The following HTRA3 variants were observed in gnomAD, a reference collection of about 807,000 sequenced individuals.
HTRA3 encodes serine protease HTRA3.
A neutral mutation model predicts 43.2 loss-of-function variants in HTRA3; 41 were observed. The ratio of observed to expected loss-of-function variants is 0.95; its 90% confidence interval spans 0.74 to 1.23. HTRA3 has a LOEUF of 1.23. Among genes scored for constraint, HTRA3 ranks in the 50% most tolerant of loss-of-function variants. The pLI is 0.00. For missense variants in HTRA3, 628 were observed against 647.1 expected, an observed-to-expected ratio of 0.97 and a Z score of 0.32; for synonymous variants, 295 against 287.9, an observed-to-expected ratio of 1.02 and a Z score of -0.25.
chr4:8,302,213 C>T (rs1713678701), intron 6 of HTRA3, among the ~76,000 whole-genome samples: 1 of 152,122 alleles, frequency 6.6e-6, no homozygotes, highest in African/African-American at 2.4e-5. Flanking sequence ...TGGTTGGATG[C>T]AGGATGCGGT....
chr4:8,269,919 C>T lies in HTRA3; in HGVS notation c.-50C>T, dbSNP rs934001131. 14 of 917,206 alleles carry T rather than the reference C, an allele frequency of 1.5e-5. No homozygotes were observed. The Admixed American group carries it at 6.4e-4, about 42-fold the overall frequency. 56.8% of individuals were successfully genotyped at this position (917,206 alleles called of 1,614,324 possible). A position where few individuals can be genotyped will look rare whatever the true frequency, so the allele number is the denominator to read the frequency against. On this transcript the variant is annotated 5_prime_UTR_variant, in exon 1 of 9. Transcript: ENST00000307358. Reference sequence around the variant, plus strand: ...CCCGCAGCGGCCTCGTTGTCCCCGCCGGCCCCCGCCCGGTCTCCCGCGCTG... The same window carrying T: ...CCCGCAGCGGCCTCGTTGTCCCCGCTGGCCCCCGCCCGGTCTCCCGCGCTG...
At chr4:8,293,200 T>C (rs1713312105) in intron 5 of HTRA3, among the ~76,000 whole-genome samples, 1 of 152,182 alleles carries the variant, frequency 6.6e-6, no homozygotes, top group Non-Finnish European at 1.5e-5. Flanking sequence ...TCTCCCAGGC[T>C]TTTGGCAGGG....
intron 1 of HTRA3, among the ~76,000 whole-genome samples, chr4:8,273,533 C>G (rs1411264197): frequency 6.6e-6 from 1 of 150,662 alleles, no homozygotes; most frequent in Non-Finnish European, 1.5e-5. Context: ...CCCCCCCGCA[C>G]CCCCGCCCCA....
intron 5 of HTRA3, 79 bp downstream of exon 5, chr4:8,292,432 C>T: frequency 1.7e-6 from 2 of 1,179,168 alleles, no homozygotes; most frequent in Non-Finnish European, 2.5e-6. Flanking sequence ...TGAGGTGGGA[C>T]AGGGCCCACA....
intron 6 of HTRA3, among the ~76,000 whole-genome samples, chr4:8,300,988 A>T (rs1304370108): frequency 6.7e-6 from 1 of 149,050 alleles, no homozygotes; most frequent in East Asian, 2.0e-4. Context: ...CATCTTTATT[A>T]TTGATTCACA....
In HTRA3 at chr4:8,279,136, G is replaced by A. The variant is rs534064627; in HGVS notation, c.386-3301G>A. ...CCTGGGGTGTGGGGTGGGCACGTGC[G>A]GGCTTCTCTTTGGAGACTCTGTGGG... On this transcript the variant is annotated intron_variant, in intron 1 of 8. Transcript: ENST00000307358. This position sits in a 1 kb window ranked among gnomAD's most constrained non-coding sequence, Gnocchi z 7.4. Among the ~76,000 whole-genome samples, 11 of 152,182 alleles carry A rather than the reference G, an allele frequency of 7.2e-5. No individual in the cohort carries two copies. The South Asian group carries it at 1.9e-3, about 26-fold the overall frequency.
At chr4:8,277,279 G>T (rs1712565970) in intron 1 of HTRA3, among the ~76,000 whole-genome samples, 1 of 152,226 alleles carries the variant, frequency 6.6e-6, no homozygotes, top group South Asian at 2.1e-4. Flanking sequence ...GAACTAGTTA[G>T]ACCCAGGAGG....
intron 6 of HTRA3, among the ~76,000 whole-genome samples, chr4:8,300,224 T>C (rs1713588213): frequency 6.6e-6 from 1 of 152,250 alleles, no homozygotes; most frequent in South Asian, 2.1e-4. Flanking sequence ...TGGTCTAGTT[T>C]TCTCTTCTGG....
rs1712875301 is a variant in HTRA3, at chr4:8,284,304, C to T, written c.485+1768C>T. On this transcript the variant is annotated intron_variant, in intron 2 of 8. Coordinates refer to ENST00000307358, the MANE Select transcript of HTRA3 (RefSeq NM_053044.5). ...ACTGGATGCACTAAGTGGCACGTTG[C>T]TGGCCTTCCAGGAGGTAGGGATGGG... 2.6e-5 allele frequency among the ~76,000 whole-genome samples: 4 copies of T among 152,334 alleles called. No individual in the cohort carries two copies. The South Asian group carries it at 8.3e-4, about 32-fold the overall frequency.
At chr4:8,301,463 TTTA>T (rs750951246) in intron 6 of HTRA3, among the ~76,000 whole-genome samples, 8 of 151,802 alleles carry the variant, frequency 5.3e-5, no homozygotes, top group Non-Finnish European at 7.4e-5. Context: ...CACTCTCAGC[TTTA>T]TTATTGAGTC....
intron 6 of HTRA3, among the ~76,000 whole-genome samples, chr4:8,300,152 T>A (rs1713585626): frequency 6.6e-6 from 1 of 152,256 alleles, no homozygotes; most frequent in African/African-American, 2.4e-5. Context: ...ATTATCCTTT[T>A]AAATGTATTT....
At chr4:8,304,643 G>GTTTTTTGTGTTTTTTTTTT (rs1560144611) in intron 8 of HTRA3, among the ~76,000 whole-genome samples, 1 of 62,736 alleles carries the variant, frequency 1.6e-5, no homozygotes, top group Non-Finnish European at 2.8e-5. Flanking sequence ...TCAGCCTATT[G>GTTTTTTGTGTTTTTTTTTT]TTTTTTTTTT....
intron 8 of HTRA3, among the ~76,000 whole-genome samples, 172 bp from the exon 9 acceptor site, chr4:8,305,799 T>C (rs1049262082): frequency 1.3e-5 from 2 of 151,760 alleles, no homozygotes; most frequent in African/African-American, 2.4e-5. Flanking sequence ...TCGTGTGACA[T>C]TGGTTTTCTT....
At chr4:8,287,224 C>T (rs1018079923) in intron 3 of HTRA3, among the ~76,000 whole-genome samples, 1 of 152,180 alleles carries the variant, frequency 6.6e-6, no homozygotes, top group African/African-American at 2.4e-5. Flanking sequence ...TACCTCCCAC[C>T]AGCTGACCCA....
At chr4:8,278,564 C>T (rs1344533312) in intron 1 of HTRA3, among the ~76,000 whole-genome samples, 5 of 152,258 alleles carry the variant, frequency 3.3e-5, no homozygotes, top group South Asian at 4.1e-4. Context: ...CAGTGGGAAC[C>T]GCGTCCTCCC....
chr4:8,285,257 G>A (rs533735626), intron 2 of HTRA3, among the ~76,000 whole-genome samples: 19 of 152,314 alleles, frequency 1.2e-4, no homozygotes, highest in Middle Eastern at 3.4e-3. Flanking sequence ...GGACTTGGCC[G>A]TATCTCTTGG....
At chr4:8,281,085 A>T (rs970818308) in intron 1 of HTRA3, among the ~76,000 whole-genome samples, 1 of 152,028 alleles carries the variant, frequency 6.6e-6, no homozygotes, top group Middle Eastern at 3.2e-3. Context: ...ATAGAGGAAA[A>T]GTTTCCTTCC....
At chr4:8,270,471 G>C in intron 1 of HTRA3, 118 bp downstream of exon 1, 4 of 1,157,106 alleles carry the variant, frequency 3.5e-6, no homozygotes, top group Non-Finnish European at 4.5e-6. Context: ...TGGCCCTTCA[G>C]AAATCATCCC....
At chr4:8,291,312 C>A (rs1204453048) in intron 3 of HTRA3, 58 bp from the exon 4 acceptor site, 5 of 1,469,572 alleles carry the variant, frequency 3.4e-6, no homozygotes, top group African/African-American at 2.8e-5. Context: ...GACTCCGGTC[C>A]CCGCTGAAGG....
Sources: gnomAD v4.1 joint callset for allele counts (sites outside exome capture counted in the v4.1 genomes callset) on GRCh38, gnomAD v4.1.1 for gene constraint, Gnocchi (gnomAD v3.1) non-coding constraint, MANE v1.5 for transcripts, NCBI Gene and HGNC (gene_info 2026-07-23, HGNC 2026-07-21) for gene names.